Variants in TSHZ2 observed in about 807,000 individuals in gnomAD.
TSHZ2 encodes the protein teashirt zinc finger homeobox 2.
TSHZ2 carries 21 observed loss-of-function variants against 74.4 expected under a neutral mutation model. The observed-to-expected ratio is 0.28, with a 90% CI of 0.20 to 0.41. The LOEUF (loss-of-function observed/expected upper bound fraction) is 0.41, where lower values mean the gene tolerates loss of function less well. Ranked by LOEUF, TSHZ2 falls within the 10% of genes least tolerant of loss-of-function variation. The probability of loss-of-function intolerance (pLI) is 1.00; values close to 1 mark genes in which losing one functional copy is unlikely to be tolerated. For synonymous variants in TSHZ2, 540 were observed against 515.3 expected (o/e 1.05, Z -0.65); for missense variants, 1,244 against 1,293.5 (o/e 0.96, Z 0.59).
intron 1 of TSHZ2, among the ~76,000 whole-genome samples, chr20:53,118,575 T>G (rs1335289887): frequency 6.6e-6 from 1 of 151,962 alleles, no homozygotes; most frequent in African/African-American, 2.4e-5. Context: ...CTGTCCTCAT[T>G]TGAGGTAAGG....
chr20:53,000,273 C>A (rs6063899), intron 1 of TSHZ2, among the ~76,000 whole-genome samples: 1 of 152,050 alleles, frequency 6.6e-6, no homozygotes, highest in African/African-American at 2.4e-5. Context: ...ATATAAGTAC[C>A]TATATAATAT....
chr20:53,005,736 C>G (rs1390597371), intron 1 of TSHZ2, among the ~76,000 whole-genome samples: 2 of 152,192 alleles, frequency 1.3e-5, no homozygotes, highest in Non-Finnish European at 2.9e-5. Context: ...TAGCCCCTCT[C>G]TCCAAGTACT....
chr20:53,367,057 A>G (rs1981288305), intron 2 of TSHZ2, among the ~76,000 whole-genome samples: 1 of 152,168 alleles, frequency 6.6e-6, no homozygotes, highest in African/African-American at 2.4e-5. Flanking sequence ...ATAGTGCCTC[A>G]TTATTCAAAT....
At chr20:53,430,238 G>A (rs1983791261) in intron 2 of TSHZ2, among the ~76,000 whole-genome samples, 3 of 151,894 alleles carry the variant, frequency 2.0e-5, no homozygotes, top group Admixed American at 6.6e-5. Context: ...CCGAGAAGCT[G>A]GGACTACAGG....
intron 2 of TSHZ2, among the ~76,000 whole-genome samples, chr20:53,433,600 C>G (rs139409207): frequency 1.3e-5 from 2 of 150,932 alleles, no homozygotes; most frequent in Non-Finnish European, 3.0e-5. Context: ...CACACACACA[C>G]ACACACACAC....
At chr20:53,205,618 TC>T (rs2123593372) in intron 1 of TSHZ2, among the ~76,000 whole-genome samples, 1 of 152,332 alleles carries the variant, frequency 6.6e-6, no homozygotes, top group South Asian at 2.1e-4. Flanking sequence ...TACAGGTTTT[TC>T]CTAGACATGA....
chr20:53,400,072 A>T (rs940615908), intron 2 of TSHZ2: 25 of 152,912 alleles, frequency 1.6e-4, no homozygotes, highest in African/African-American at 5.8e-4. Context: ...AGTGCTGAGC[A>T]CAGGCTGGCC....
intron 1 of TSHZ2, among the ~76,000 whole-genome samples, chr20:53,160,779 C>T (rs1987913027): frequency 6.8e-6 from 1 of 146,250 alleles, no homozygotes; most frequent in Non-Finnish European, 1.5e-5. Flanking sequence ...TTCAGTTTGC[C>T]CTTTCTAGAT....
chr20:53,343,267 A>G (rs1282916114), intron 2 of TSHZ2, among the ~76,000 whole-genome samples: 1 of 152,074 alleles, frequency 6.6e-6, no homozygotes, highest in African/African-American at 2.4e-5. Context: ...GCACCGGGCC[A>G]GGACCCGTAT....
chr20:53,215,864 G>A (rs1307759306), intron 1 of TSHZ2, among the ~76,000 whole-genome samples: 11 of 142,762 alleles, frequency 7.7e-5, no homozygotes, highest in South Asian at 2.2e-4. Flanking sequence ...GCAAAACTCC[G>A]TCTCAAAAAA....
intron 2 of TSHZ2, among the ~76,000 whole-genome samples, chr20:53,262,385 G>GACAGT (rs1990622322): frequency 1.3e-5 from 2 of 152,108 alleles, no homozygotes; most frequent in Non-Finnish European, 1.5e-5. Flanking sequence ...ATGAGCAGGC[G>GACAGT]TTCATGATTG....
chr20:53,092,841 G>A (rs1985924974), intron 1 of TSHZ2, among the ~76,000 whole-genome samples: 1 of 152,170 alleles, frequency 6.6e-6, no homozygotes, highest in African/African-American at 2.4e-5. Context: ...AACTTTTTCT[G>A]TAAAAGGGCA....
intron 2 of TSHZ2, among the ~76,000 whole-genome samples, chr20:53,328,710 A>G (rs983515825): frequency 1.3e-5 from 2 of 152,206 alleles, no homozygotes; most frequent in Non-Finnish European, 2.9e-5. Flanking sequence ...TCATATACGA[A>G]GTGAATGGTT....
At chr20:53,395,399 G>A (rs1360288741) in intron 2 of TSHZ2, among the ~76,000 whole-genome samples, 1 of 152,216 alleles carries the variant, frequency 6.6e-6, no homozygotes, top group Non-Finnish European at 1.5e-5. Flanking sequence ...GCCTGCATCA[G>A]TCTCTAAACT....
intron 2 of TSHZ2, among the ~76,000 whole-genome samples, chr20:53,450,612 C>T (rs1409957635): frequency 1.3e-5 from 2 of 152,186 alleles, no homozygotes; most frequent in Non-Finnish European, 2.9e-5. Context: ...CAGAGTCCAC[C>T]TTCTGTGCTC....
In TSHZ2 at chr20:53,255,528, A is replaced by G. The variant is rs1282977034; in HGVS notation, c.2070A>G (p.Pro690=). 8.8e-6 allele frequency: 14 copies of G among 1,587,922 alleles called. No homozygotes were observed. The highest frequency in any genetic ancestry group is 1.1e-5 in the Non-Finnish European group (13 of 1,169,176). Residue 690 remains proline, a synonymous_variant, in exon 2 of 3, where the codon CCA becomes CCG. Transcript: ENST00000371497. The surrounding 1 kb of genome is among the most constrained non-coding windows in gnomAD (Gnocchi z 4.1). ...CALANHAPAL[P]CINPLSALQS... is the part of the protein sequence containing the mutation. ...TCGCCAACCACGCCCCGGCCCTGCC[A>G]TGCATCAACCCACTCAGCGCCCTGC...
chr20:53,429,208 C>T (rs1983755878), intron 2 of TSHZ2, among the ~76,000 whole-genome samples: 1 of 152,166 alleles, frequency 6.6e-6, no homozygotes, highest in Non-Finnish European at 1.5e-5. Context: ...AGAGCAACCT[C>T]CACCACAGAG....
intron 1 of TSHZ2, among the ~76,000 whole-genome samples, chr20:53,223,898 A>AACACACACACACACAC (rs71675648): frequency 6.9e-6 from 1 of 145,400 alleles, no homozygotes; most frequent in African/African-American, 2.6e-5. Context: ...TACAGGACTA[A>AACACACACACACACAC]ACACACACAC....
intron 2 of TSHZ2, among the ~76,000 whole-genome samples, chr20:53,355,672 A>G (rs1427314180): frequency 6.6e-6 from 1 of 152,234 alleles, no homozygotes; most frequent in Non-Finnish European, 1.5e-5. Flanking sequence ...GTTCTAAATT[A>G]GATTGTGGTG....
Sources: gnomAD v4.1 joint callset for allele counts (sites outside exome capture counted in the v4.1 genomes callset) on GRCh38, gnomAD v4.1.1 for gene constraint, Gnocchi (gnomAD v3.1) non-coding constraint, MANE v1.5 for transcripts, NCBI Gene and HGNC (gene_info 2026-07-23, HGNC 2026-07-21) for gene names.